The following ADARB2 variants were observed in gnomAD, a reference collection of about 807,000 sequenced individuals.
ADARB2 encodes the protein inactive double-stranded RNA-specific editase B2.
Under a neutral mutation model 62.2 loss-of-function variants are expected in ADARB2, and 25 were observed. The ratio of observed to expected loss-of-function variants is 0.40; its 90% CI spans 0.29 to 0.56. The LOEUF is 0.56. ADARB2 is among the 20% of genes least tolerant of loss of function. The pLI, the probability that ADARB2 is intolerant of heterozygous loss-of-function variation, is 0.43. For synonymous variants in ADARB2, 572 were observed against 500.8 expected, an observed-to-expected ratio of 1.14 and a Z score of -1.90; for missense variants, 1,071 against 1,077.4, an observed-to-expected ratio of 0.99 and a Z score of 0.08.
In ADARB2 at chr10:1,271,036, G is replaced by T. The variant is rs768439031; in HGVS notation, c.1111C>A (p.Gln371Lys). ...FADSISQLVTQKFREVTTDLT... is the reference protein window; with the variant it reads ...FADSISQLVTKKFREVTTDLT... Reference sequence around the variant, plus strand: ...TCCGTCGTCACCTCGCGGAACTTCTGTGTGACCAGCTGGGATATGGAGTCT... The same window carrying T: ...TCCGTCGTCACCTCGCGGAACTTCTTTGTGACCAGCTGGGATATGGAGTCT... Residue 371 changes from glutamine to lysine, a missense_variant, in exon 4 of 10, where the codon CAG (glutamine) becomes AAG (lysine). Transcript: ENST00000381312. 1.9e-6 allele frequency: 3 copies of T among 1,613,984 alleles called. No homozygotes were observed. Among genetic ancestry groups the T allele is most frequent in the East Asian group, 2.2e-5 (1 of 44,890 alleles).
intron 1 of ADARB2, among the ~76,000 whole-genome samples, chr10:1,495,319 T>C (rs1831673286): frequency 6.6e-6 from 1 of 152,174 alleles, no homozygotes; most frequent in Non-Finnish European, 1.5e-5. Context: ...ACATGCAAGG[T>C]ATATCAAGTA....
intron 1 of ADARB2, among the ~76,000 whole-genome samples, chr10:1,580,322 T>C (rs1833079507): frequency 6.6e-6 from 1 of 152,116 alleles, no homozygotes; most frequent in African/African-American, 2.4e-5. Context: ...GTTCATGAAG[T>C]CTCAACATCT....
At chr10:1,259,459 A>C (rs1386512103) in intron 4 of ADARB2, among the ~76,000 whole-genome samples, 1 of 152,254 alleles carries the variant, frequency 6.6e-6, no homozygotes, top group Non-Finnish European at 1.5e-5. Flanking sequence ...AAAAATGATA[A>C]AGGGGATATC....
intron 1 of ADARB2, among the ~76,000 whole-genome samples, chr10:1,395,554 G>A (rs982183724): frequency 1.3e-5 from 2 of 152,192 alleles, no homozygotes; most frequent in South Asian, 4.1e-4. Flanking sequence ...TCTCCCCAGC[G>A]GGGCGTCTGC....
intron 1 of ADARB2, among the ~76,000 whole-genome samples, chr10:1,527,732 C>T (rs1027398862): frequency 4.6e-5 from 7 of 152,174 alleles, no homozygotes; most frequent in South Asian, 2.1e-4. Flanking sequence ...AATTTTCTTC[C>T]GTTTGATCAC....
At chr10:1,510,128 CT>C (rs1240871170) in intron 1 of ADARB2, among the ~76,000 whole-genome samples, 5 of 123,064 alleles carry the variant, frequency 4.1e-5, no homozygotes, top group African/African-American at 1.3e-4. Context: ...TTCTTTCTTT[CT>C]TTCTTTCTTT....
At chr10:1,485,328 G>A (rs1460866434) in intron 1 of ADARB2, among the ~76,000 whole-genome samples, 2 of 152,084 alleles carry the variant, frequency 1.3e-5, no homozygotes, top group East Asian at 3.8e-4. Flanking sequence ...GTGCACTTGT[G>A]AGCATGTGTG....
In ADARB2 at chr10:1,398,294, G is replaced by T. The variant is rs60982769; in HGVS notation, c.101-19134C>A. Reference sequence around the variant, plus strand: ...TGCAGGCTTCCTGGGGCAGGGCTTCGCCTGCTTCCTGCAATTGTGTCCAGG... The same window carrying T: ...TGCAGGCTTCCTGGGGCAGGGCTTCTCCTGCTTCCTGCAATTGTGTCCAGG... On this transcript the variant is annotated intron_variant, in intron 1 of 9. Coordinates refer to ENST00000381312, the MANE Select transcript of ADARB2 (RefSeq NM_018702.4). The surrounding 1 kb of genome is among the most constrained non-coding windows in gnomAD (Gnocchi z 4.1). 5.9e-5 allele frequency among the ~76,000 whole-genome samples: 9 copies of T among 152,208 alleles called. No homozygotes were observed. Among genetic ancestry groups the T allele is most frequent in the African/African-American group, 1.9e-4 (8 of 41,444 alleles).
chr10:1,648,740 T>C (rs1301280980), intron 1 of ADARB2, among the ~76,000 whole-genome samples: 1 of 152,222 alleles, frequency 6.6e-6, no homozygotes, highest in Non-Finnish European at 1.5e-5. Context: ...GTCATAGCGA[T>C]AGCGGTGTCT....
chr10:1,227,107 G>T (rs1830754779), intron 6 of ADARB2, among the ~76,000 whole-genome samples: 1 of 152,246 alleles, frequency 6.6e-6, no homozygotes, highest in African/African-American at 2.4e-5. Flanking sequence ...CTCGGCAATG[G>T]CGGGCGCCCC....
intron 6 of ADARB2, among the ~76,000 whole-genome samples, chr10:1,219,475 C>G (rs1564224869): frequency 6.6e-6 from 1 of 152,214 alleles, no homozygotes; most frequent in African/African-American, 2.4e-5. Context: ...CTTTGAGAGG[C>G]TTCAGATGGC....
chr10:1,464,111 T>A (rs12768741), intron 1 of ADARB2, among the ~76,000 whole-genome samples: 1 of 122,380 alleles, frequency 8.2e-6, no homozygotes, highest in Non-Finnish European at 1.8e-5. Flanking sequence ...CAGCGGGCAG[T>A]GTGCCGGAGA....
chr10:1,513,803 G>C (rs1831970130), intron 1 of ADARB2, among the ~76,000 whole-genome samples: 1 of 152,162 alleles, frequency 6.6e-6, no homozygotes, highest in Non-Finnish European at 1.5e-5. Context: ...GTGATAGCCG[G>C]TGAATGCTTG....
At chr10:1,609,812 C>G (rs371841887) in intron 1 of ADARB2, among the ~76,000 whole-genome samples, 1 of 152,210 alleles carries the variant, frequency 6.6e-6, no homozygotes, top group Non-Finnish European at 1.5e-5. Flanking sequence ...GTCATGACCA[C>G]GCGTAGCGTT....
rs78477167 is a variant in ADARB2, at chr10:1,379,238, C to T, written c.101-78G>A. On this transcript the variant is annotated intron_variant, in intron 1 of 9. Transcript: ENST00000381312. Reference sequence around the variant, plus strand: ...TCAATGCTTTTATAAGTTCTTATTACTGAATGTTGGACAAGGGAGGTGGAG... The same window carrying T: ...TCAATGCTTTTATAAGTTCTTATTATTGAATGTTGGACAAGGGAGGTGGAG... The T allele has an allele frequency of 4.8e-3, 5,897 of 1,233,934 alleles. 191 individuals are homozygous for T. The African/African-American group carries it at 0.074, about 15-fold the overall frequency. 76.4% of individuals were successfully genotyped at this position (1,233,934 alleles called of 1,614,324 possible).
At chr10:1,546,819 C>T (rs1832527638) in intron 1 of ADARB2, among the ~76,000 whole-genome samples, 1 of 152,268 alleles carries the variant, frequency 6.6e-6, no homozygotes, top group Admixed American at 6.5e-5. Flanking sequence ...ACAAACGACT[C>T]CCTGCAAAGC....
At chr10:1,229,718 ATGTGTG>A (rs1830783725) in intron 6 of ADARB2, among the ~76,000 whole-genome samples, 1 of 60,198 alleles carries the variant, frequency 1.7e-5, no homozygotes, top group Non-Finnish European at 5.0e-5. Flanking sequence ...ATGCGTGTTC[ATGTGTG>A]CACTTGTGCT....
At chr10:1,513,877 T>A (rs1056999998) in intron 1 of ADARB2, among the ~76,000 whole-genome samples, 1 of 152,112 alleles carries the variant, frequency 6.6e-6, no homozygotes, top group African/African-American at 2.4e-5. Context: ...GTTTACCCTG[T>A]TCTATCTAAA....
intron 3 of ADARB2, among the ~76,000 whole-genome samples, chr10:1,345,377 G>T (rs879273963): frequency 1.3e-5 from 2 of 152,200 alleles, no homozygotes; most frequent in African/African-American, 2.4e-5. Context: ...CGGACACCCA[G>T]CTGGCAAGAG....
Sources: gnomAD v4.1 joint callset for allele counts (sites outside exome capture counted in the v4.1 genomes callset) on GRCh38, gnomAD v4.1.1 for gene constraint, Gnocchi (gnomAD v3.1) non-coding constraint, MANE v1.5 for transcripts, NCBI Gene and HGNC (gene_info 2026-07-23, HGNC 2026-07-21) for gene names.